CRACR2A: variants seen among roughly 807,000 people sequenced by gnomAD.
CRACR2A encodes the protein EF-hand calcium-binding domain-containing protein 4B.
CRACR2A carries 79 observed loss-of-function variants against 90.5 expected under a neutral mutation model. That is an observed-to-expected ratio of 0.87 (90% CI 0.73 to 1.05). CRACR2A has a LOEUF of 1.05. Among genes scored for constraint, CRACR2A ranks in the 50% least tolerant of loss-of-function variants. The pLI, the probability that CRACR2A is intolerant of heterozygous loss-of-function variation, is 0.00. For missense variants in CRACR2A, 823 were observed against 897.2 expected (o/e 0.92, Z 1.06); for synonymous variants, 338 against 356.7 (o/e 0.95, Z 0.59).
chr12:3,632,721 C>T (rs1298943267), intron 15 of CRACR2A, among the ~76,000 whole-genome samples: 1 of 152,216 alleles, frequency 6.6e-6, no homozygotes, highest in Non-Finnish European at 1.5e-5. Context: ...CTGTGCTGAA[C>T]AGTACCTGTC....
rs572061042 is a variant in CRACR2A, at chr12:3,675,435, G to A, written c.525-1843C>T. Among the ~76,000 whole-genome samples, 11 of 152,212 alleles carry A rather than the reference G, an allele frequency of 7.2e-5. No homozygotes were observed. In the South Asian group the frequency reaches 2.1e-3, roughly 29 times the overall value. Reference sequence around the variant, plus strand: ...CCAACATGATGGCATCAGTAGGTGAGGCCTTTGAGAGGTGATTAGATCATG... The same window carrying A: ...CCAACATGATGGCATCAGTAGGTGAAGCCTTTGAGAGGTGATTAGATCATG... On this transcript the variant is annotated intron_variant, in intron 6 of 19. Transcript: ENST00000440314.
chr12:3,730,587 T>C (rs555296200), intron 2 of CRACR2A: 1 of 152,334 alleles, frequency 6.6e-6, no homozygotes, highest in South Asian at 2.1e-4. Context: ...TGCTAAATTA[T>C]GGTAAATCCA....
intron 7 of CRACR2A, among the ~76,000 whole-genome samples, chr12:3,673,104 T>C (rs575143057): frequency 6.6e-6 from 1 of 152,334 alleles, no homozygotes; most frequent in Non-Finnish European, 1.5e-5. Context: ...TTCTGGGGTG[T>C]ACTACTTAAC....
intron 2 of CRACR2A, among the ~76,000 whole-genome samples, chr12:3,720,141 AAAAG>A (rs748158240): frequency 1.1e-4 from 14 of 128,184 alleles, no homozygotes; most frequent in Non-Finnish European, 1.8e-4. Context: ...AAAGAAAAAG[AAAAG>A]AAAGAAAGAA....
chr12:3,657,518 C>T (rs2137485434), intron 8 of CRACR2A, among the ~76,000 whole-genome samples: 1 of 152,332 alleles, frequency 6.6e-6, no homozygotes, highest in East Asian at 1.9e-4. Context: ...CTTGCGCATC[C>T]TCTATGGATG....
intron 1 of CRACR2A, among the ~76,000 whole-genome samples, chr12:3,737,327 T>A (rs1214387016): frequency 6.6e-6 from 1 of 152,038 alleles, no homozygotes; most frequent in African/African-American, 2.4e-5. Context: ...GCTAGAACAA[T>A]CCTAATGTGG....
intron 2 of CRACR2A, chr12:3,731,284 G>A (rs1207027780): frequency 6.6e-6 from 1 of 152,436 alleles, no homozygotes; most frequent in Non-Finnish European, 1.5e-5. Context: ...GGGTCACCAG[G>A]TGCTGGGCAG....
intron 13 of CRACR2A, chr12:3,640,888 C>T: frequency 8.3e-7 from 1 of 1,199,536 alleles, no homozygotes. Flanking sequence ...ATGTGCTGCC[C>T]AAGAGCAACA....
chr12:3,716,844 C>T (rs527942585), intron 2 of CRACR2A, among the ~76,000 whole-genome samples: 1 of 152,252 alleles, frequency 6.6e-6, no homozygotes, highest in African/African-American at 2.4e-5. Flanking sequence ...TTCTTAGTGA[C>T]TCAAACTAGA....
intron 2 of CRACR2A, among the ~76,000 whole-genome samples, chr12:3,715,659 G>A (rs972746533): frequency 2.0e-5 from 3 of 152,154 alleles, no homozygotes; most frequent in African/African-American, 7.2e-5. Flanking sequence ...ACAATATGTA[G>A]CTAACAATAA....
Position 3,638,197 on chromosome 12 carries a change from G to T in CRACR2A, c.1529C>A (p.Pro510Gln), listed in dbSNP as rs748957811. The T allele has an allele frequency of 2.2e-5, 34 of 1,551,284 alleles. No homozygotes were observed. In the South Asian group the frequency reaches 3.4e-4, roughly 16 times the overall value. Reference sequence around the variant, plus strand: ...GGTGAGTTTCAAGGGTGGGGCCTCCGGGATTTGTCCCTGTACCCCCTGGTC... The same window carrying T: ...GGTGAGTTTCAAGGGTGGGGCCTCCTGGATTTGTCCCTGTACCCCCTGGTC... Reference protein sequence around the residue: ...VSDQGVQGQIPEAPPLKLTPT... With the variant: ...VSDQGVQGQIQEAPPLKLTPT... Residue 510 changes from proline to glutamine, a missense_variant, in exon 14 of 20, where the codon CCG (proline) becomes CAG (glutamine). Pro to Gln is a moderately conservative substitution (Grantham distance 76, BLOSUM62 -1). Coordinates refer to ENST00000440314, the MANE Select transcript of CRACR2A (RefSeq NM_001144958.2).
chr12:3,744,785 G>A (rs564443665), intron 1 of CRACR2A, among the ~76,000 whole-genome samples: 2 of 152,248 alleles, frequency 1.3e-5, no homozygotes, highest in African/African-American at 2.4e-5. Context: ...TGCAGAGAGC[G>A]AACTGAGACG....
intron 3 of CRACR2A, among the ~76,000 whole-genome samples, chr12:3,698,962 C>A (rs1420346453): frequency 1.3e-5 from 2 of 152,216 alleles, no homozygotes; most frequent in African/African-American, 4.8e-5. Flanking sequence ...CTACTCCCAC[C>A]TGCTGCTCCC....
intron 1 of CRACR2A, among the ~76,000 whole-genome samples, 186 bp from the exon 2 acceptor site, chr12:3,733,396 A>C (rs1946392313): frequency 6.6e-6 from 1 of 152,236 alleles, no homozygotes; most frequent in African/African-American, 2.4e-5. Flanking sequence ...TCCCCAGCTC[A>C]GAGGCCTCAT....
At chr12:3,662,264 C>T (rs766524770) in intron 7 of CRACR2A, among the ~76,000 whole-genome samples, 22 of 152,180 alleles carry the variant, frequency 1.4e-4, no homozygotes, top group Non-Finnish European at 2.6e-4. Flanking sequence ...TGAGAAGCCT[C>T]GGTTAGAACA....
Position 3,638,385 on chromosome 12 carries a change from G to A in CRACR2A, c.1341C>T (p.Pro447=). Reference sequence around the variant, plus strand: ...CGGTTCCTGGCTCCTCTTCTGTTAGGGGATATCCACTCAGGCCCAGGGAGC... The same window carrying A: ...CGGTTCCTGGCTCCTCTTCTGTTAGAGGATATCCACTCAGGCCCAGGGAGC... ...RRSSLGLSGY[P]LTEEEPGTGE... The change falls in exon 14 of 20, where the codon CCC becomes CCT. Residue 447 remains proline (P), a synonymous_variant. Transcript: ENST00000440314. The A allele has an allele frequency of 1.3e-6, 2 of 1,551,626 alleles. No individual in the cohort carries two copies. The highest frequency in any genetic ancestry group is 1.7e-6 in the Non-Finnish European group (2 of 1,146,958).
intron 4 of CRACR2A, 66 bp downstream of exon 4, chr12:3,696,706 C>T: frequency 6.2e-7 from 1 of 1,606,244 alleles, no homozygotes; most frequent in Middle Eastern, 1.7e-4. Context: ...ACGGGGCAAG[C>T]TCTAACCCAA....
intron 7 of CRACR2A, among the ~76,000 whole-genome samples, chr12:3,668,629 G>T (rs964648635): frequency 1.3e-5 from 2 of 152,198 alleles, no homozygotes; most frequent in Non-Finnish European, 2.9e-5. Context: ...TCCCTGAAAA[G>T]CTTTGGGGAC....
chr12:3,680,470 G>T, intron 4 of CRACR2A, 121 bp from the exon 5 acceptor site: 1 of 729,224 alleles, frequency 1.4e-6, no homozygotes. Flanking sequence ...ACAAAAGCCA[G>T]TAGAAAGCTT....
Sources: gnomAD v4.1 joint callset for allele counts (sites outside exome capture counted in the v4.1 genomes callset) on GRCh38, gnomAD v4.1.1 for gene constraint, MANE v1.5 for transcripts, NCBI Gene and HGNC (gene_info 2026-07-23, HGNC 2026-07-21) for gene names.